Variants in PTPRZ1 observed in about 807,000 individuals in gnomAD.
The protein encoded by PTPRZ1 is protein tyrosine phosphatase receptor type Z1, also known as receptor-type tyrosine-protein phosphatase zeta.
Under a neutral mutation model 214.1 loss-of-function variants are expected in PTPRZ1, and 82 were observed. That is an observed-to-expected ratio of 0.38 (90% CI 0.32 to 0.46). The LOEUF (loss-of-function observed/expected upper bound fraction) is 0.46, where lower values mean the gene tolerates loss of function less well. Among genes scored for constraint, PTPRZ1 ranks in the 20% least tolerant of loss-of-function variants. PTPRZ1 has a pLI of 1.00. For synonymous variants in PTPRZ1, 945 were observed against 987.9 expected (o/e 0.96, Z 0.81); for missense variants, 2,603 against 2,748.7 (o/e 0.95, Z 1.19).
At chr7:121,951,950 TA>T (rs1292676201) in intron 2 of PTPRZ1, among the ~76,000 whole-genome samples, 3 of 52,918 alleles carry the variant, frequency 5.7e-5, no homozygotes, top group Non-Finnish European at 1.4e-4. Context: ...CATGCGAGTG[TA>T]TTTATTTATT....
intron 1 of PTPRZ1, among the ~76,000 whole-genome samples, chr7:121,922,627 C>A (rs1795634781): frequency 6.6e-6 from 1 of 151,936 alleles, no homozygotes; most frequent in African/African-American, 2.4e-5. Flanking sequence ...TTATTTTATT[C>A]TCAGAGAAAA....
chr7:122,034,422 A>G (rs748845195), intron 17 of PTPRZ1, 44 bp downstream of exon 17: 1 of 1,571,406 alleles, frequency 6.4e-7, no homozygotes, highest in Non-Finnish European at 8.7e-7. Flanking sequence ...TATCATTGCC[A>G]TTTTGGTGCC....
At chr7:121,914,803 C>A (rs1238497840) in intron 1 of PTPRZ1, among the ~76,000 whole-genome samples, 1 of 152,044 alleles carries the variant, frequency 6.6e-6, no homozygotes, top group Non-Finnish European at 1.5e-5. Context: ...TCTACCTATA[C>A]CTCTCCTAAC....
At chr7:121,885,662 T>G (rs1794373697) in intron 1 of PTPRZ1, among the ~76,000 whole-genome samples, 2 of 152,140 alleles carry the variant, frequency 1.3e-5, no homozygotes, top group Non-Finnish European at 2.9e-5. Flanking sequence ...TCTCAATAAA[T>G]TATTCAAAAT....
At chr7:122,025,175 A>T (rs1407980790) in intron 13 of PTPRZ1, among the ~76,000 whole-genome samples, 1 of 152,166 alleles carries the variant, frequency 6.6e-6, no homozygotes, top group East Asian at 1.9e-4. Context: ...TGTAATAAAG[A>T]TATAAGCACA....
Position 122,011,860 on chromosome 7 carries a change from C to T in PTPRZ1, c.2814C>T (p.His938=). The part of the protein sequence containing the change: ...YALSDNEGSQ[H]IFTVSYSSAI... ...TGTCTGATAATGAGGGCTCCCAACACATCTTCACTGTTTCTTACAGTTCTG... is the reference window on the plus strand; with the variant it reads ...TGTCTGATAATGAGGGCTCCCAACATATCTTCACTGTTTCTTACAGTTCTG... Residue 938 remains histidine, a synonymous_variant, in exon 12 of 30, where the codon CAC becomes CAT. Transcript: ENST00000393386. The T allele has an allele frequency of 6.2e-7, 1 of 1,613,866 alleles. No homozygotes were observed. Among genetic ancestry groups the T allele is most frequent in the African/African-American group, 1.3e-5 (1 of 75,064 alleles).
intron 26 of PTPRZ1, 58 bp downstream of exon 26, chr7:122,054,096 C>T (rs1171250506): frequency 1.3e-6 from 2 of 1,570,894 alleles, no homozygotes; most frequent in Non-Finnish European, 1.7e-6. Context: ...AGGTTACAAA[C>T]AGCAAAAAGT....
intron 12 of PTPRZ1, 43 bp from the exon 13 acceptor site, chr7:122,019,081 C>T: frequency 6.5e-7 from 1 of 1,534,258 alleles, no homozygotes; most frequent in South Asian, 1.2e-5. Context: ...GTGACTTTTC[C>T]TTCACCTTAA....
intron 2 of PTPRZ1, among the ~76,000 whole-genome samples, chr7:121,959,119 G>A (rs1020265731): frequency 3.3e-5 from 5 of 152,100 alleles, no homozygotes; most frequent in Non-Finnish European, 5.9e-5. Flanking sequence ...CACCACGCCC[G>A]GCCCCTAGTT....
chr7:121,907,726 G>C (rs1447923881), intron 1 of PTPRZ1, among the ~76,000 whole-genome samples: 9 of 151,110 alleles, frequency 6.0e-5, no homozygotes, highest in African/African-American at 1.9e-4. Context: ...ATCTACATTA[G>C]CTTTTCCATG....
intron 13 of PTPRZ1, among the ~76,000 whole-genome samples, chr7:122,023,748 T>A (rs1022905502): frequency 7.5e-6 from 1 of 133,694 alleles, no homozygotes; most frequent in Non-Finnish European, 1.5e-5. Flanking sequence ...TATATATAAT[T>A]ATATATATAA....
intron 1 of PTPRZ1, among the ~76,000 whole-genome samples, chr7:121,879,614 T>C (rs1258800705): frequency 6.6e-6 from 1 of 152,200 alleles, no homozygotes; most frequent in Non-Finnish European, 1.5e-5. Context: ...TACACAAGTT[T>C]AACTCTGCAC....
chr7:121,903,174 T>C (rs1334240729), intron 1 of PTPRZ1, among the ~76,000 whole-genome samples: 2 of 152,326 alleles, frequency 1.3e-5, no homozygotes, highest in South Asian at 2.1e-4. Flanking sequence ...TATGATAGCA[T>C]CACTTAATTA....
At chr7:121,981,665 G>A (rs1334202884) in intron 6 of PTPRZ1, among the ~76,000 whole-genome samples, 1 of 152,166 alleles carries the variant, frequency 6.6e-6, no homozygotes, top group African/African-American at 2.4e-5. Context: ...GATTGTTTCA[G>A]GGTTTGAAGG....
At chr7:122,042,561 A>T (rs200608322) in intron 21 of PTPRZ1, 47 bp from the exon 22 acceptor site, 4 of 1,530,136 alleles carry the variant, frequency 2.6e-6, no homozygotes, top group Admixed American at 2.1e-5. Flanking sequence ...TTTCAAATTT[A>T]TTTTATGCTT....
At chr7:122,051,690 T>C (rs1457742737) in intron 24 of PTPRZ1, among the ~76,000 whole-genome samples, 169 bp downstream of exon 24, 1 of 152,184 alleles carries the variant, frequency 6.6e-6, no homozygotes, top group Non-Finnish European at 1.5e-5. Context: ...TGAAGTCTTA[T>C]CTAAATATGC....
chr7:121,888,581 A>G (rs769820007), intron 1 of PTPRZ1, among the ~76,000 whole-genome samples: 7 of 152,124 alleles, frequency 4.6e-5, no homozygotes, highest in East Asian at 1.9e-4. Context: ...CCACCAAAAT[A>G]TGTGATTGCT....
chr7:122,051,090 T>C (rs1453474435), intron 23 of PTPRZ1, among the ~76,000 whole-genome samples: 1 of 152,104 alleles, frequency 6.6e-6, no homozygotes, highest in African/African-American at 2.4e-5. Context: ...ACACACACGA[T>C]GTAATTTACC....
chr7:122,010,845 C>T lies in PTPRZ1; in HGVS notation c.1799C>T (p.Ser600Phe), dbSNP rs1238523696. 2 of 1,614,158 alleles carry T rather than the reference C, an allele frequency of 1.2e-6. No homozygotes were observed. Among genetic ancestry groups the T allele is most frequent in the Non-Finnish European group, 1.7e-6 (2 of 1,180,024 alleles). The change falls in exon 12 of 30, where the codon TCT becomes TTT. Residue 600 changes from serine (S) to phenylalanine (F), a missense_variant. Around this residue, in one of 6 missense-constraint regions of PTPRZ1, gnomAD observed 1,913 missense variants for 1,914.3 expected, o/e 1.00. Coordinates refer to ENST00000393386, the MANE Select transcript of PTPRZ1 (RefSeq NM_002851.3). ...GCAACTTCTGCTATCCCATTCATCT[C>T]TGAGAACATATCCCAAGGGTATATA... The part of the protein sequence containing the change: ...SPATSAIPFI[S>F]ENISQGYIFS...
Sources: gnomAD v4.1 joint callset for allele counts (sites outside exome capture counted in the v4.1 genomes callset) on GRCh38, gnomAD v4.1.1 for gene constraint, gnomAD v4.1.1 regional missense constraint, MANE v1.5 for transcripts, NCBI Gene and HGNC (gene_info 2026-07-23, HGNC 2026-07-21) for gene names.